PDGFRL: variants seen among roughly 807,000 people sequenced by gnomAD.
PDGFRL encodes platelet-derived growth factor receptor-like protein.
PDGFRL carries 46 observed loss-of-function variants against 37.2 expected under a neutral mutation model. The observed-to-expected ratio is 1.24, with a 90% confidence interval of 0.98 to 1.58. PDGFRL has a LOEUF of 1.58. Among genes scored for constraint, PDGFRL ranks in the 40% most tolerant of loss-of-function variants. The pLI is 0.00. For missense variants in PDGFRL, 692 were observed against 467.6 expected, an observed-to-expected ratio of 1.48 and a Z score of -4.43; for synonymous variants, 251 against 184.3, an observed-to-expected ratio of 1.36 and a Z score of -2.93.
chr8:17,577,968 C>T (rs1803623631), intron 1 of PDGFRL, among the ~76,000 whole-genome samples: 2 of 151,734 alleles, frequency 1.3e-5, no homozygotes. Flanking sequence ...GGACCATGAC[C>T]GCTGCGCGTT....
At chr8:17,578,866 A>C (rs1803643990) in intron 1 of PDGFRL, among the ~76,000 whole-genome samples, 1 of 152,216 alleles carries the variant, frequency 6.6e-6, no homozygotes, top group Non-Finnish European at 1.5e-5. Flanking sequence ...ATAGTTCATA[A>C]ATTTTAGGTG....
At chr8:17,610,292 A>G (rs1344757146) in intron 2 of PDGFRL, among the ~76,000 whole-genome samples, 1 of 152,168 alleles carries the variant, frequency 6.6e-6, no homozygotes, top group African/African-American at 2.4e-5. Flanking sequence ...CTACATGGTA[A>G]GATTAGAATT....
At chr8:17,587,860 C>T (rs553216000) in intron 1 of PDGFRL, among the ~76,000 whole-genome samples, 84 of 152,236 alleles carry the variant, frequency 5.5e-4, no homozygotes, top group Admixed American at 4.7e-3. Flanking sequence ...AAACTTCTGA[C>T]CTCAACTGAT....
intron 2 of PDGFRL, among the ~76,000 whole-genome samples, chr8:17,605,144 A>G (rs1190249330): frequency 6.6e-6 from 1 of 152,208 alleles, no homozygotes; most frequent in East Asian, 1.9e-4. Flanking sequence ...GGAGAGAGAG[A>G]GACAGGGAGA....
intron 5 of PDGFRL, among the ~76,000 whole-genome samples, chr8:17,634,707 C>T (rs1189679173): frequency 2.6e-5 from 4 of 152,098 alleles, no homozygotes; most frequent in Non-Finnish European, 5.9e-5. Flanking sequence ...CCTTAGCAAA[C>T]TAACACAGAA....
chr8:17,604,332 A>G (rs1202496540), intron 2 of PDGFRL, among the ~76,000 whole-genome samples: 2 of 152,216 alleles, frequency 1.3e-5, no homozygotes, highest in Non-Finnish European at 2.9e-5. Context: ...CTTGGAACCA[A>G]CCTAAATATC....
At chr8:17,606,896 T>TTTTTG (rs1472151972) in intron 2 of PDGFRL, among the ~76,000 whole-genome samples, 3 of 8,286 alleles carry the variant, frequency 3.6e-4, no homozygotes, top group Admixed American at 2.9e-3. Flanking sequence ...GTTTTTTTGT[T>TTTTTG]TTTTTTTTTT....
intron 1 of PDGFRL, among the ~76,000 whole-genome samples, chr8:17,583,278 G>C (rs960520812): frequency 3.9e-5 from 6 of 152,132 alleles, no homozygotes; most frequent in Non-Finnish European, 8.8e-5. Flanking sequence ...GGGGATCCCA[G>C]AATTAGAGAG....
chr8:17,642,030 G>A (rs188179505), intron 5 of PDGFRL, among the ~76,000 whole-genome samples: 12 of 152,010 alleles, frequency 7.9e-5, no homozygotes, highest in African/African-American at 1.4e-4. Flanking sequence ...AGTGACCATC[G>A]CACTTTGTAG....
At chr8:17,633,350 T>C (rs1804900752) in intron 4 of PDGFRL, among the ~76,000 whole-genome samples, 1 of 152,124 alleles carries the variant, frequency 6.6e-6, no homozygotes, top group Non-Finnish European at 1.5e-5. Context: ...TCCTCCAGGA[T>C]GCAGGAGTTT....
At chr8:17,626,444 G>A (rs28703648) in intron 3 of PDGFRL, among the ~76,000 whole-genome samples, 24,046 of 151,956 alleles carry the variant, frequency 0.16, 3,079 homozygotes, top group African/African-American at 0.36. Flanking sequence ...AAGGATCTCC[G>A]TGTTAGTGAA....
At chr8:17,597,250 GC>G (rs1322402105) in intron 2 of PDGFRL, among the ~76,000 whole-genome samples, 2 of 152,118 alleles carry the variant, frequency 1.3e-5, no homozygotes, top group Non-Finnish European at 2.9e-5. Flanking sequence ...ACACCTCTTG[GC>G]CTCAAGTGAT....
chr8:17,625,660 G>GTATTATAGTATAAGAAGTAAAGTATA lies in PDGFRL; in HGVS notation c.506-2806_506-2781dup, dbSNP rs1804719524. On this transcript the variant is annotated intron_variant, in intron 3 of 5. Transcript: ENST00000251630. ...CTGGTTTGGTCACATTTCAAAGTAT[G>GTATTATAGTATAAGAAGTAAAGTATA]TATTATAGTATAAGAAGTAAAGTAT... is the stretch of plus-strand genomic sequence containing the variant. Among the ~76,000 whole-genome samples, 5 of 152,148 alleles carry GTATTATAGTATAAGAAGTAAAGTATA rather than the reference G, an allele frequency of 3.3e-5. No individual in the cohort carries two copies. In the East Asian group the frequency reaches 7.8e-4, roughly 24 times the overall value.
chr8:17,595,962 C>T (rs1259520264), intron 2 of PDGFRL, among the ~76,000 whole-genome samples: 4 of 152,218 alleles, frequency 2.6e-5, no homozygotes, highest in African/African-American at 9.6e-5. Flanking sequence ...GTTGAGCCTC[C>T]AGTGGGTGAA....
chr8:17,620,184 A>T (rs1459891673), intron 2 of PDGFRL, among the ~76,000 whole-genome samples: 2 of 152,102 alleles, frequency 1.3e-5, no homozygotes, highest in Non-Finnish European at 2.9e-5. Flanking sequence ...TTGGTCTCAA[A>T]CTCCTGGCCT....
chr8:17,603,109 A>G (rs1804200419), intron 2 of PDGFRL, among the ~76,000 whole-genome samples: 1 of 152,122 alleles, frequency 6.6e-6, no homozygotes, highest in Non-Finnish European at 1.5e-5. Context: ...CAGCCTCTCA[A>G]GTAGCTGAGG....
At chr8:17,592,358 C>T (rs554624960) in intron 2 of PDGFRL, among the ~76,000 whole-genome samples, 1 of 152,276 alleles carries the variant, frequency 6.6e-6, no homozygotes, top group South Asian at 2.1e-4. Flanking sequence ...TCTTCTCTCC[C>T]ATCTCTGATA....
rs142086157 is a variant in PDGFRL, at chr8:17,602,017, A to C, written c.353+12252A>C. Among the ~76,000 whole-genome samples the C allele has an allele frequency of 2.5e-3, 380 of 152,224 alleles. 6 individuals carry two copies. The highest frequency in any genetic ancestry group is 7.7e-4 in the East Asian group (4 of 5,178). ...GATTGCTGGCCCACATGGTAGCTCT[A>C]AGTTCTTCAAGAAATATCCAAACTG... On this transcript the variant is annotated intron_variant, in intron 2 of 5. Transcript: ENST00000251630.
At chr8:17,636,764 ATTTG>A (rs1804978210) in intron 5 of PDGFRL, among the ~76,000 whole-genome samples, 1 of 151,992 alleles carries the variant, frequency 6.6e-6, no homozygotes, top group African/African-American at 2.4e-5. Flanking sequence ...ATGTGTTTCC[ATTTG>A]TTTGTGTCAT....
Sources: gnomAD v4.1 joint callset for allele counts (sites outside exome capture counted in the v4.1 genomes callset) on GRCh38, gnomAD v4.1.1 for gene constraint, MANE v1.5 for transcripts, NCBI Gene and HGNC (gene_info 2026-07-23, HGNC 2026-07-21) for gene names.